Variants in IGLL1 observed in about 807,000 individuals in gnomAD.
IGLL1 encodes immunoglobulin lambda-like polypeptide 1.
In IGLL1, 10 loss-of-function variants were observed where a neutral mutation model predicts 10.5. The observed-to-expected ratio is 0.95, with a 90% confidence interval of 0.59 to 1.62. The LOEUF is 1.62. Among genes scored for constraint, IGLL1 ranks in the 40% most tolerant of loss-of-function variants. The probability of loss-of-function intolerance (pLI) is 0.00; values close to 1 mark genes in which losing one functional copy is unlikely to be tolerated. For synonymous variants in IGLL1, 141 were observed against 122.7 expected (o/e 1.15, Z -0.99); for missense variants, 284 against 278.7 (o/e 1.02, Z -0.14).
rs1925055926 is a variant in IGLL1 at position 23,576,274 on chromosome 22, A to AT, written c.207-1193dup. On this transcript the variant is annotated intron_variant, in intron 1 of 2. Transcript: ENST00000330377. ...TGGCTTCTGCGAACTTAGCTACTGCATCTAGACATTCTTTTTTTTTTTGAG... is the reference window on the plus strand; with the variant it reads ...TGGCTTCTGCGAACTTAGCTACTGCATTCTAGACATTCTTTTTTTTTTTGAG... Among the ~76,000 whole-genome samples, 3 of 145,738 alleles carry AT rather than the reference A, an allele frequency of 2.1e-5. No individual in the cohort carries two copies. In the Admixed American group the frequency reaches 2.1e-4, roughly 10 times the overall value.
intron 1 of IGLL1, among the ~76,000 whole-genome samples, chr22:23,575,905 A>C (rs1168892171): frequency 6.6e-6 from 1 of 151,802 alleles, no homozygotes; most frequent in African/African-American, 2.4e-5. Flanking sequence ...TTCCCCTGGC[A>C]TCTGTTTCTC....
intron 1 of IGLL1, 81 bp from the exon 2 acceptor site, chr22:23,575,163 T>A: frequency 1.1e-6 from 1 of 946,196 alleles, no homozygotes; most frequent in Non-Finnish European, 1.8e-6. Flanking sequence ...AGTGTCCCAG[T>A]AGTGTCCCCC....
intron 1 of IGLL1, among the ~76,000 whole-genome samples, chr22:23,576,289 T>C (rs1440545710): frequency 6.6e-6 from 1 of 150,592 alleles, no homozygotes; most frequent in African/African-American, 2.4e-5. Flanking sequence ...GACATTCTTT[T>C]TTTTTTTGAG....
chr22:23,578,982 AAAG>A (rs1925195959), intron 1 of IGLL1, among the ~76,000 whole-genome samples: 1 of 151,882 alleles, frequency 6.6e-6, no homozygotes. Context: ...AAAAGAAAAA[AAAG>A]AGAGAAAAAG....
At position 23,573,587 on chromosome 22, in the gene IGLL1, T is replaced by C; in HGVS notation, c.323-2A>G. The C allele has an allele frequency of 6.2e-7, 1 of 1,612,276 alleles. No homozygotes were observed. Among genetic ancestry groups the C allele is most frequent in the Non-Finnish European group, 8.5e-7 (1 of 1,178,494 alleles). The stretch of plus-strand genomic sequence containing the variant: ...CCGAGGGGGTGGCCTTGGGCTGACC[T>C]GTGTGGACAGAGGAGGGGGTGAGAG... On this transcript the variant is annotated splice_acceptor_variant, in intron 2 of 2. Transcript: ENST00000330377. LOFTEE classifies it high-confidence loss of function.
At position 23,579,927 on chromosome 22, in the gene IGLL1, T is replaced by C. The variant is rs867089284; in HGVS notation, c.206+58A>G. On this transcript the variant is annotated intron_variant, in intron 1 of 2. Transcript: ENST00000330377. Reference sequence around the variant, plus strand: ...CCTCTGGCTCGTCTCCCCTTGGTCATCCTTTCCCGCCTCTGCCACCCAGAC... The same window carrying C: ...CCTCTGGCTCGTCTCCCCTTGGTCACCCTTTCCCGCCTCTGCCACCCAGAC... 1.0e-5 allele frequency: 15 copies of C among 1,459,126 alleles called. No individual in the cohort carries two copies. In the African/African-American group the frequency reaches 1.1e-4, roughly 11 times the overall value. 90.4% of individuals were successfully genotyped at this position (1,459,126 alleles called of 1,614,324 possible).
At position 23,573,298 on chromosome 22, in the gene IGLL1, C is replaced by T. The variant is rs1569069023; in HGVS notation, c.610G>A (p.Glu204Lys). 2 of 1,614,052 alleles carry T rather than the reference C, an allele frequency of 1.2e-6. No individual in the cohort carries two copies. Among genetic ancestry groups the T allele is most frequent in the Non-Finnish European group, 1.7e-6 (2 of 1,179,998 alleles). Reference sequence around the variant, plus strand: ...CATTCTGCAGGGGCCACCGTCTTCTCCACGGTGCTCCCTTCGTGCATGACC... The same window carrying T: ...CATTCTGCAGGGGCCACCGTCTTCTTCACGGTGCTCCCTTCGTGCATGACC... ...CQVMHEGSTVEKTVAPAECS is the reference protein window; with the variant it reads ...CQVMHEGSTVKKTVAPAECS The change falls in exon 3 of 3, where the codon GAG (glutamate) becomes AAG (lysine). Residue 204 changes from glutamate (E) to lysine (K), a missense_variant. By Grantham distance (56) the Glu-to-Lys change is moderately conservative. Coordinates refer to ENST00000330377, the MANE Select transcript of IGLL1 (RefSeq NM_020070.4).
At chr22:23,574,562 T>A (rs543031822) in intron 2 of IGLL1, among the ~76,000 whole-genome samples, 66 of 152,236 alleles carry the variant, frequency 4.3e-4, no homozygotes, top group Non-Finnish European at 5.9e-4. Flanking sequence ...CAGGCCCCCG[T>A]GTGGCCCTCC....
chr22:23,573,763 C>T (rs1007740731), intron 2 of IGLL1, among the ~76,000 whole-genome samples, 178 bp from the exon 3 acceptor site: 3 of 152,006 alleles, frequency 2.0e-5, no homozygotes, highest in African/African-American at 4.8e-5. Context: ...AGCAGACAGC[C>T]CTGTGCCTTC....
chr22:23,576,873 C>G (rs1045035734), intron 1 of IGLL1, among the ~76,000 whole-genome samples: 3 of 152,186 alleles, frequency 2.0e-5, no homozygotes, highest in African/African-American at 7.2e-5. Flanking sequence ...AACAGAAACT[C>G]TAAACCCGTT....
Position 23,580,103 on chromosome 22 carries a change from C to A in IGLL1, c.88G>T (p.Gly30Cys), listed in dbSNP as rs1925266258. The A allele has an allele frequency of 6.4e-7, 1 of 1,570,256 alleles. No homozygotes were observed. Residue 30 changes from glycine (G) to cysteine (C), a missense_variant, in exon 1 of 3, where the codon GGT becomes TGT. Physicochemically the swap from Gly to Cys is radical, Grantham distance 159 (BLOSUM62 -3). Coordinates refer to ENST00000330377, the MANE Select transcript of IGLL1 (RefSeq NM_020070.4). Reference protein sequence around the residue: ...LRQRWPLLLLGLAVVTHGLLR... With the variant: ...LRQRWPLLLLCLAVVTHGLLR... Reference sequence around the variant, plus strand: ...AGGCCATGGGTTACCACGGCCAGACCCAGCAGCAGCAGGGGCCAGCGCTGC... The same window carrying A: ...AGGCCATGGGTTACCACGGCCAGACACAGCAGCAGCAGGGGCCAGCGCTGC...
chr22:23,577,888 C>CT (rs1925139774), intron 1 of IGLL1, among the ~76,000 whole-genome samples: 1 of 127,542 alleles, frequency 7.8e-6, no homozygotes, highest in Admixed American at 7.4e-5. Flanking sequence ...CAGCATAATA[C>CT]CTTTTTTTTT....
chr22:23,573,438 G>A lies in IGLL1; in HGVS notation c.470C>T (p.Thr157Ile), dbSNP rs1457854823. 12 of 1,613,996 alleles carry A rather than the reference G, an allele frequency of 7.4e-6. No individual in the cohort carries two copies. The highest frequency in any genetic ancestry group is 1.0e-5 in the Non-Finnish European group (12 of 1,179,896). Residue 157 changes from threonine to isoleucine, a missense_variant, in exon 3 of 3, where the codon ACC becomes ATC. Transcript: ENST00000330377. ...VTWKADGTPI[T>I]QGVEMTTPSK... is the part of the protein sequence containing the mutation. ...GGGCGTGGTCATCTCCACGCCCTGG[G>A]TGATGGGGGTACCATCTGCCTTCCA...
In IGLL1 at chr22:23,580,169, C is replaced by G; in HGVS notation, c.22G>C (p.Gly8Arg). Reference sequence around the variant, plus strand: ...GGCTCACCAGGGGCCTCAAGGCCCCCCTGGCCTGTCCCTGGCCTCATCGGC... The same window carrying G: ...GGCTCACCAGGGGCCTCAAGGCCCCGCTGGCCTGTCCCTGGCCTCATCGGC... MRPGTGQGGLEAPGEPGP... is the reference protein window; with the variant it reads MRPGTGQRGLEAPGEPGP... Residue 8 changes from glycine (G) to arginine (R), a missense_variant, in exon 1 of 3, where the codon GGG becomes CGG. Gly to Arg is a moderately radical substitution (Grantham distance 125). Coordinates refer to ENST00000330377, the MANE Select transcript of IGLL1 (RefSeq NM_020070.4). 6.5e-7 allele frequency: 1 copy of G among 1,543,614 alleles called. No homozygotes were observed. Among genetic ancestry groups the G allele is most frequent in the Non-Finnish European group, 8.7e-7 (1 of 1,148,162 alleles).
intron 1 of IGLL1, among the ~76,000 whole-genome samples, chr22:23,576,550 C>T (rs761569796): frequency 6.6e-6 from 1 of 152,050 alleles, no homozygotes; most frequent in Non-Finnish European, 1.5e-5. Context: ...CCTGCTTCAG[C>T]CTCCCGAGTA....
In IGLL1 at chr22:23,574,988, C is replaced by T. The variant is rs775909535; in HGVS notation, c.301G>A (p.Gly101Arg). 1.4e-5 allele frequency: 23 copies of T among 1,613,436 alleles called. No homozygotes were observed. Among genetic ancestry groups the T allele is most frequent in the East Asian group, 2.2e-5 (1 of 44,884 alleles). ...TTACTTAAAACGGTGAGCTGGGTCC[C>T]GCTGCCAAACACATGCGTCACTGAG... ...HNSVTHVFGS[G>R]TQLTVLSQPK... Residue 101 changes from glycine (G) to arginine (R), a missense_variant, in exon 2 of 3, where the codon GGG becomes AGG. Gly to Arg is a moderately radical substitution (Grantham distance 125, BLOSUM62 -2). Transcript: ENST00000330377.
chr22:23,580,164 GC>G lies in IGLL1; in HGVS notation c.26del (p.Gly9AlafsTer26), dbSNP rs1569072706. On this transcript the variant is annotated frameshift_variant, in exon 1 of 3. Coordinates refer to ENST00000330377, the MANE Select transcript of IGLL1 (RefSeq NM_020070.4). LOFTEE classifies it high-confidence loss of function. ...GGCCTGGCTCACCAGGGGCCTCAAG[GC>G]CCCCCTGGCCTGTCCCTGGCCTCAT... MRPGTGQGGLEAPGEPGPN... is the reference protein window; with the variant it reads MRPGTGQGXLEAPGEPGPN... The G allele has an allele frequency of 4.5e-6, 7 of 1,544,594 alleles. No individual in the cohort carries two copies. The highest frequency in any genetic ancestry group is 1.2e-5 in the South Asian group (1 of 84,268).
chr22:23,577,002 C>T (rs1288383214), intron 1 of IGLL1, among the ~76,000 whole-genome samples: 1 of 152,112 alleles, frequency 6.6e-6, no homozygotes, highest in Non-Finnish European at 1.5e-5. Context: ...GACATTTGTC[C>T]TTTTGTGTCT....
chr22:23,578,962 C>T (rs552343515), intron 1 of IGLL1, among the ~76,000 whole-genome samples: 5 of 151,896 alleles, frequency 3.3e-5, no homozygotes, highest in African/African-American at 1.2e-4. Flanking sequence ...CTCTGTGAAA[C>T]TTTATTTGAA....
Sources: allele counts gnomAD v4.1 joint callset (sites outside exome capture counted in the v4.1 genomes callset), GRCh38; gene constraint gnomAD v4.1.1; transcripts MANE v1.5; gene names NCBI Gene and HGNC (gene_info 2026-07-23, HGNC 2026-07-21).